Variants in DENND4A observed in about 807,000 individuals in gnomAD.
DENND4A encodes C-myc promoter-binding protein.
A neutral mutation model predicts 199.3 loss-of-function variants in DENND4A; 70 were observed. That is an observed-to-expected ratio of 0.35 (90% CI 0.29 to 0.43). The LOEUF (loss-of-function observed/expected upper bound fraction) is 0.43, where lower values mean the gene tolerates loss of function less well. Among genes scored for constraint, DENND4A ranks in the 20% least tolerant of loss-of-function variants. The pLI, the probability that DENND4A is intolerant of heterozygous loss-of-function variation, is 1.00. For synonymous variants in DENND4A, 686 were observed against 766.9 expected, an observed-to-expected ratio of 0.89 and a Z score of 1.74; for missense variants, 1,723 against 2,255.8, an observed-to-expected ratio of 0.76 and a Z score of 4.78.
chr15:65,685,264 C>G (rs1284671645), intron 23 of DENND4A, among the ~76,000 whole-genome samples: 1 of 152,100 alleles, frequency 6.6e-6, no homozygotes, highest in African/African-American at 2.4e-5. Flanking sequence ...GTAGCTGGGA[C>G]TACAGGCGCC....
chr15:65,758,554 C>T (rs563753330), intron 2 of DENND4A, among the ~76,000 whole-genome samples: 35 of 152,292 alleles, frequency 2.3e-4, no homozygotes, highest in South Asian at 6.2e-4. Context: ...TCAAGAGATT[C>T]TCCCGCCTCA....
At chr15:65,725,710 C>A (rs1016648524) in intron 11 of DENND4A, among the ~76,000 whole-genome samples, 6 of 151,842 alleles carry the variant, frequency 4.0e-5, no homozygotes, top group African/African-American at 1.5e-4. Flanking sequence ...AAAAAAAGAA[C>A]CACCTCACAA....
chr15:65,787,400 G>C (rs1242594764), intron 1 of DENND4A, among the ~76,000 whole-genome samples: 1 of 152,168 alleles, frequency 6.6e-6, no homozygotes, highest in Non-Finnish European at 1.5e-5. Flanking sequence ...TGAAAATAAA[G>C]TATAACACTA....
intron 27 of DENND4A, among the ~76,000 whole-genome samples, chr15:65,668,556 C>T (rs1161129358): frequency 6.6e-6 from 1 of 151,990 alleles, no homozygotes; most frequent in Non-Finnish European, 1.5e-5. Context: ...CGAGGTGGCT[C>T]ACACCTGTAA....
intron 1 of DENND4A, among the ~76,000 whole-genome samples, chr15:65,768,710 C>T (rs956171415): frequency 1.3e-5 from 2 of 151,882 alleles, no homozygotes; most frequent in African/African-American, 4.8e-5. Flanking sequence ...TTGCCAGGCG[C>T]GGTGGCTCAT....
chr15:65,718,781 T>TTTG (rs2075505368), intron 12 of DENND4A, among the ~76,000 whole-genome samples: 1 of 139,234 alleles, frequency 7.2e-6, no homozygotes, highest in African/African-American at 2.7e-5. Flanking sequence ...TTTTTTTTTT[T>TTTG]TTTTTTTTGG....
intron 1 of DENND4A, among the ~76,000 whole-genome samples, chr15:65,788,318 G>T (rs944429100): frequency 6.6e-6 from 1 of 152,000 alleles, no homozygotes; most frequent in Non-Finnish European, 1.5e-5. Context: ...CTTGCGATCC[G>T]CCCACCTCGG....
At chr15:65,788,642 G>A (rs2077631692) in intron 1 of DENND4A, among the ~76,000 whole-genome samples, 1 of 151,830 alleles carries the variant, frequency 6.6e-6, no homozygotes, top group South Asian at 2.1e-4. Flanking sequence ...CAGACTACTT[G>A]GGCTCACGAG....
chr15:65,748,389 G>A (rs1250118496), intron 4 of DENND4A, among the ~76,000 whole-genome samples: 4 of 151,960 alleles, frequency 2.6e-5, no homozygotes, highest in Non-Finnish European at 4.4e-5. Context: ...AGGCCAAGGA[G>A]GGAGGATTGC....
chr15:65,719,463 T>C (rs1235126537), intron 12 of DENND4A: 1 of 152,006 alleles, frequency 6.6e-6, no homozygotes, highest in African/African-American at 2.4e-5. Flanking sequence ...AGAAGTCTAG[T>C]AGACACCACC....
intron 4 of DENND4A, among the ~76,000 whole-genome samples, chr15:65,742,937 T>G (rs982336134): frequency 5.9e-5 from 9 of 152,112 alleles, no homozygotes; most frequent in African/African-American, 2.2e-4. Flanking sequence ...GAAATAAGGG[T>G]AAAATAGTTT....
At chr15:65,702,183 C>T in intron 17 of DENND4A, 122 bp downstream of exon 17, 4 of 855,044 alleles carry the variant, frequency 4.7e-6, no homozygotes, top group Non-Finnish European at 7.3e-6. Context: ...AGGATTGCAT[C>T]TCTTGAGCTC....
intron 20 of DENND4A, among the ~76,000 whole-genome samples, chr15:65,699,593 ATATGTG>A (rs1034086343): frequency 6.8e-6 from 1 of 147,408 alleles, no homozygotes; most frequent in African/African-American, 2.6e-5. Flanking sequence ...ATACATATAC[ATATGTG>A]TATATGTATT....
chr15:65,777,959 G>A (rs548007861), intron 1 of DENND4A, among the ~76,000 whole-genome samples: 4 of 152,018 alleles, frequency 2.6e-5, no homozygotes, highest in African/African-American at 7.3e-5. Flanking sequence ...GCTTGAACCC[G>A]GAGGCAGAGG....
chr15:65,764,981 A>AG (rs1357699788), intron 1 of DENND4A, among the ~76,000 whole-genome samples: 1 of 152,034 alleles, frequency 6.6e-6, no homozygotes, highest in East Asian at 1.9e-4. Context: ...CCAAAAAAAA[A>AG]AAAAAAAAAA....
intron 11 of DENND4A, 98 bp downstream of exon 11, chr15:65,728,974 C>T: frequency 8.2e-7 from 1 of 1,221,788 alleles, no homozygotes; most frequent in Non-Finnish European, 1.2e-6. Flanking sequence ...AACAATATAT[C>T]TTAAAAGAAT....
chr15:65,660,243 GTT>G lies in DENND4A; in HGVS notation c.*1606_*1607del. ...CAAGTTCAGCCCCAAACTAACTGAA[GTT>G]TTACATTTTTAAACTCTCTCCATTA... On this transcript the variant is annotated 3_prime_UTR_variant, in exon 33 of 33. Transcript: ENST00000443035. 1.3e-6 allele frequency: 2 copies of G among 1,520,744 alleles called. No individual in the cohort carries two copies. Among genetic ancestry groups the G allele is most frequent in the Non-Finnish European group, 1.8e-6 (2 of 1,133,492 alleles). The allele number at this position is 1,520,744 out of a possible 1,614,324, so 94.2% of individuals were successfully genotyped here. A position where few individuals can be genotyped will look rare whatever the true frequency, so the allele number is the denominator to read the frequency against.
At chr15:65,731,503 A>T in intron 9 of DENND4A, 139 bp downstream of exon 9, 1 of 739,094 alleles carries the variant, frequency 1.4e-6, no homozygotes, top group Non-Finnish European at 2.3e-6. Context: ...CCCAAACATT[A>T]AGTAAAAGGA....
intron 1 of DENND4A, among the ~76,000 whole-genome samples, chr15:65,782,392 C>G (rs770580344): frequency 3.3e-5 from 5 of 152,190 alleles, no homozygotes; most frequent in Admixed American, 6.5e-5. Context: ...GACCCTCTTT[C>G]GTTCATTCTC....
Sources: allele counts gnomAD v4.1 joint callset (sites outside exome capture counted in the v4.1 genomes callset), GRCh38; gene constraint gnomAD v4.1.1; transcripts MANE v1.5; gene names NCBI Gene and HGNC (gene_info 2026-07-23, HGNC 2026-07-21).